CAMK1D: variants seen among roughly 807,000 people sequenced by gnomAD.
CAMK1D encodes calcium/calmodulin dependent protein kinase ID.
Under a neutral mutation model 47.7 loss-of-function variants are expected in CAMK1D, and 9 were observed. That is an observed-to-expected ratio of 0.19 (90% CI 0.11 to 0.33). The LOEUF is 0.33. Among genes scored for constraint, CAMK1D ranks in the 10% least tolerant of loss-of-function variants. The pLI, the probability that CAMK1D is intolerant of heterozygous loss-of-function variation, is 1.00. For missense variants in CAMK1D, 291 were observed against 488.7 expected (o/e 0.60, Z 3.81); for synonymous variants, 184 against 184.9 (o/e 0.99, Z 0.04).
intron 1 of CAMK1D, among the ~76,000 whole-genome samples, chr10:12,380,537 G>A (rs188044455): frequency 1.3e-5 from 2 of 152,268 alleles, no homozygotes; most frequent in East Asian, 3.9e-4. Flanking sequence ...TTCTTATCAT[G>A]ATGCCACCCA....
chr10:12,791,077 C>G, intron 5 of CAMK1D, 81 bp from the exon 6 acceptor site: 1 of 1,290,714 alleles, frequency 7.7e-7, no homozygotes, highest in South Asian at 1.2e-5. Context: ...AAAGTTCAGG[C>G]CAAATAGCAG....
At chr10:12,787,540 G>T (rs1273500557) in intron 5 of CAMK1D, among the ~76,000 whole-genome samples, 2 of 152,194 alleles carry the variant, frequency 1.3e-5, no homozygotes, top group African/African-American at 4.8e-5. Flanking sequence ...CTGTGGCCTT[G>T]TATTCCTGCT....
intron 3 of CAMK1D, among the ~76,000 whole-genome samples, chr10:12,744,164 G>A (rs780594670): frequency 5.3e-5 from 8 of 152,028 alleles, no homozygotes; most frequent in South Asian, 4.1e-4. Flanking sequence ...TCAGTACTGC[G>A]TTTCTTTTTA....
chr10:12,819,436 C>A (rs1257894754), intron 8 of CAMK1D, among the ~76,000 whole-genome samples: 4 of 152,186 alleles, frequency 2.6e-5, no homozygotes. Context: ...AGGGGCCTGG[C>A]CTGGCCTGCT....
At chr10:12,584,965 A>G (rs1588661526) in intron 2 of CAMK1D, among the ~76,000 whole-genome samples, 1 of 152,202 alleles carries the variant, frequency 6.6e-6, no homozygotes, top group East Asian at 1.9e-4. Context: ...AAAGCTAACC[A>G]ACAAAAATAA....
intron 3 of CAMK1D, among the ~76,000 whole-genome samples, chr10:12,710,097 A>G (rs1401728832): frequency 6.6e-6 from 1 of 152,204 alleles, no homozygotes; most frequent in African/African-American, 2.4e-5. Flanking sequence ...GATTGTCATG[A>G]GGATTAAATG....
At chr10:12,400,823 G>A (rs1489518810) in intron 1 of CAMK1D, among the ~76,000 whole-genome samples, 2 of 150,802 alleles carry the variant, frequency 1.3e-5, no homozygotes, top group African/African-American at 4.9e-5. Context: ...TGGTCTAGCA[G>A]TACCTTTCCT....
intron 6 of CAMK1D, among the ~76,000 whole-genome samples, chr10:12,795,586 T>C (rs11257997): frequency 0.27 from 41,582 of 152,142 alleles, 6,371 homozygotes; most frequent in Admixed American, 0.35. Flanking sequence ...TTTTTTATTT[T>C]TGTTTGATAA....
At chr10:12,719,329 C>T (rs1834279544) in intron 3 of CAMK1D, among the ~76,000 whole-genome samples, 1 of 151,766 alleles carries the variant, frequency 6.6e-6, no homozygotes, top group South Asian at 2.1e-4. Context: ...ATCACTTGAA[C>T]CTAAGAGGTG....
chr10:12,570,541 G>A (rs1371303858), intron 2 of CAMK1D, among the ~76,000 whole-genome samples: 2 of 151,832 alleles, frequency 1.3e-5, no homozygotes, highest in Admixed American at 1.3e-4. Context: ...TTAGCTGGGC[G>A]TGGTGGTGTG....
chr10:12,617,990 C>T (rs1229123010), intron 2 of CAMK1D, among the ~76,000 whole-genome samples: 1 of 152,172 alleles, frequency 6.6e-6, no homozygotes, highest in Non-Finnish European at 1.5e-5. Flanking sequence ...TAATTGCTAC[C>T]TCCTCAGTAA....
At chr10:12,498,044 T>C (rs1834593933) in intron 1 of CAMK1D, among the ~76,000 whole-genome samples, 2 of 152,228 alleles carry the variant, frequency 1.3e-5, no homozygotes, top group African/African-American at 4.8e-5. Flanking sequence ...ATGAAATTTA[T>C]TCATTATCAT....
In CAMK1D at chr10:12,522,948, G is replaced by A. The variant is rs1193921308; in HGVS notation, c.93-30277G>A. ...CCCCCACCTGCCTCCCAGACGGGGC[G>A]GCTGGCCTGGTGGGGGCTGATCCCC... On this transcript the variant is annotated intron_variant, in intron 1 of 10. Coordinates refer to ENST00000619168, the MANE Select transcript of CAMK1D (RefSeq NM_153498.4). Among the ~76,000 whole-genome samples the A allele has an allele frequency of 2.5e-4, 26 of 103,096 alleles. 8 individuals are homozygous for A. The highest frequency in any genetic ancestry group is 1.8e-3 in the Admixed American group (20 of 11,218). 67.6% of individuals were successfully genotyped at this position (103,096 alleles called of 152,430 possible).
chr10:12,408,430 C>T (rs1042297197), intron 1 of CAMK1D, among the ~76,000 whole-genome samples: 1 of 152,182 alleles, frequency 6.6e-6, no homozygotes, highest in African/African-American at 2.4e-5. Context: ...GCCTCGGCCT[C>T]CCAAAGTGCT....
At chr10:12,678,209 T>G (rs1840877296) in intron 3 of CAMK1D, among the ~76,000 whole-genome samples, 1 of 152,204 alleles carries the variant, frequency 6.6e-6, no homozygotes, top group Non-Finnish European at 1.5e-5. Flanking sequence ...GTGTTTTTAT[T>G]TATCTTAAGA....
chr10:12,743,045 C>A (rs1408541581), intron 3 of CAMK1D, among the ~76,000 whole-genome samples: 1 of 152,100 alleles, frequency 6.6e-6, no homozygotes, highest in East Asian at 1.9e-4. Flanking sequence ...GAAGATTGAA[C>A]AAGAAACCAA....
intron 3 of CAMK1D, among the ~76,000 whole-genome samples, chr10:12,721,801 A>ATAGACAAGCACTGGTTACGGACATGGCCC (rs1834389356): frequency 6.6e-6 from 1 of 152,150 alleles, no homozygotes; most frequent in South Asian, 2.1e-4. Context: ...GCCTCCTTTG[A>ATAGACAAGCACTGGTTACGGACATGGCCC]TAGACAAGCA....
chr10:12,391,931 C>T (rs979555085), intron 1 of CAMK1D, among the ~76,000 whole-genome samples: 1 of 151,846 alleles, frequency 6.6e-6, no homozygotes, highest in African/African-American at 2.4e-5. Flanking sequence ...ATGGTAATTG[C>T]ACCACTGCAC....
At chr10:12,647,145 CTTTTTTTTTTT>C (rs397693477) in intron 2 of CAMK1D, among the ~76,000 whole-genome samples, 7,827 of 77,040 alleles carry the variant, frequency 0.1, 520 homozygotes, top group African/African-American at 0.24. Flanking sequence ...CCAGGCTAGC[CTTTTTTTTTTT>C]TTTTTTTTTT....
Sources: allele counts gnomAD v4.1 joint callset (sites outside exome capture counted in the v4.1 genomes callset), GRCh38; gene constraint gnomAD v4.1.1; transcripts MANE v1.5; gene names NCBI Gene and HGNC (gene_info 2026-07-23, HGNC 2026-07-21).